EPB41L2: variants seen among roughly 807,000 people sequenced by gnomAD.
The protein encoded by EPB41L2 is erythrocyte membrane protein band 4.1 like 2, also known as band 4.1-like protein 2.
EPB41L2 carries 43 observed loss-of-function variants against 113.0 expected under a neutral mutation model. That is an observed-to-expected ratio of 0.38 (90% CI 0.30 to 0.49). EPB41L2 has a LOEUF of 0.49. Among genes scored for constraint, EPB41L2 ranks in the 20% least tolerant of loss-of-function variants. The pLI, the probability that EPB41L2 is intolerant of heterozygous loss-of-function variation, is 0.95. For synonymous variants in EPB41L2, 442 were observed against 436.7 expected (o/e 1.01, Z -0.15); for missense variants, 1,147 against 1,223.4 (o/e 0.94, Z 0.93).
chr6:131,036,739 A>G (rs1793394705), intron 1 of EPB41L2, among the ~76,000 whole-genome samples: 3 of 152,180 alleles, frequency 2.0e-5, no homozygotes, highest in Non-Finnish European at 1.5e-5. Flanking sequence ...AAGATCCCCA[A>G]ATGTTTCTAT....
chr6:131,011,541 T>C (rs762274043), intron 1 of EPB41L2, among the ~76,000 whole-genome samples: 9 of 152,242 alleles, frequency 5.9e-5, no homozygotes, highest in East Asian at 1.9e-4. Flanking sequence ...CTTGACTCTA[T>C]AGACATGTAC....
At chr6:130,956,898 AG>A (rs1319853045) in intron 1 of EPB41L2, among the ~76,000 whole-genome samples, 1 of 152,230 alleles carries the variant, frequency 6.6e-6, no homozygotes, top group Non-Finnish European at 1.5e-5. Flanking sequence ...ATTCTGTAAC[AG>A]GAAGATGTTA....
At chr6:130,902,842 C>A (rs1796664711) in intron 6 of EPB41L2, among the ~76,000 whole-genome samples, 1 of 152,200 alleles carries the variant, frequency 6.6e-6, no homozygotes, top group Admixed American at 6.5e-5. Context: ...AATTACCCAA[C>A]TGTACCTTCA....
At chr6:130,908,918 A>G in intron 4 of EPB41L2, 55 bp from the exon 5 acceptor site, 1 of 1,313,248 alleles carries the variant, frequency 7.6e-7, no homozygotes, top group Non-Finnish European at 1.1e-6. Flanking sequence ...CTAAAATAGA[A>G]CAGTTTACAG....
intron 19 of EPB41L2, among the ~76,000 whole-genome samples, chr6:130,843,606 G>T (rs974184592): frequency 6.6e-6 from 1 of 152,182 alleles, no homozygotes; most frequent in Non-Finnish European, 1.5e-5. Flanking sequence ...TATACTTTAT[G>T]TATTAGAATT....
Position 131,030,856 on chromosome 6 carries a change from G to A in EPB41L2, c.-15+32299C>T, listed in dbSNP as rs550248290. Among the ~76,000 whole-genome samples the A allele has an allele frequency of 1.9e-4, 29 of 151,768 alleles. 1 individual carries two copies. The highest frequency in any genetic ancestry group is 7.0e-4 in the African/African-American group (29 of 41,368). On this transcript the variant is annotated intron_variant, in intron 1 of 19. Coordinates refer to ENST00000337057, the MANE Select transcript of EPB41L2 (RefSeq NM_001431.4). ...TTTGGGAGGCCAAGGCAGGCAGATC[G>A]CTTGAGCTCAGGAGCTCGAGGACCA...
intron 4 of EPB41L2, 90 bp from the exon 5 acceptor site, chr6:130,908,953 C>G (rs981667663): frequency 1.4e-5 from 15 of 1,048,250 alleles, no homozygotes; most frequent in Non-Finnish European, 9.9e-6. Context: ...TAAGTGTAAA[C>G]ACATTTTAAT....
intron 16 of EPB41L2, among the ~76,000 whole-genome samples, chr6:130,866,226 T>C (rs1035903800): frequency 5.9e-5 from 9 of 152,232 alleles, no homozygotes; most frequent in South Asian, 2.1e-4. Flanking sequence ...CCTACATATA[T>C]ATAAATCCCA....
At chr6:130,870,177 AAAC>A (rs1785201307) in intron 14 of EPB41L2, 51 bp from the exon 15 acceptor site, 2 of 1,558,686 alleles carry the variant, frequency 1.3e-6, no homozygotes, top group East Asian at 2.3e-5. Flanking sequence ...GAATAAATAA[AAAC>A]AACGGAAACC....
At chr6:131,051,978 C>T (rs1364175809) in intron 1 of EPB41L2, among the ~76,000 whole-genome samples, 2 of 151,270 alleles carry the variant, frequency 1.3e-5, no homozygotes, top group Non-Finnish European at 2.9e-5. Context: ...ACTCTGTCAC[C>T]CAGGCTGGAG....
At chr6:131,054,620 G>A (rs1797261039) in intron 1 of EPB41L2, among the ~76,000 whole-genome samples, 1 of 152,234 alleles carries the variant, frequency 6.6e-6, no homozygotes, top group South Asian at 2.1e-4. Flanking sequence ...GGCGCCACTT[G>A]TGGCACATTG....
intron 1 of EPB41L2, among the ~76,000 whole-genome samples, chr6:131,047,317 G>A (rs904329067): frequency 4.0e-5 from 6 of 151,824 alleles, no homozygotes; most frequent in African/African-American, 7.3e-5. Flanking sequence ...AGTGTACTCC[G>A]GCCCAGACAA....
intron 1 of EPB41L2, among the ~76,000 whole-genome samples, chr6:130,975,814 A>T (rs1006383791): frequency 3.3e-5 from 5 of 152,212 alleles, no homozygotes; most frequent in African/African-American, 1.2e-4. Context: ...ACCTGAGGTC[A>T]GGAGTTCAAG....
intron 1 of EPB41L2, among the ~76,000 whole-genome samples, chr6:131,036,654 A>G (rs967836334): frequency 6.6e-6 from 1 of 152,170 alleles, no homozygotes; most frequent in African/African-American, 2.4e-5. Flanking sequence ...CCTTCATAAA[A>G]TAACTTTTAT....
At chr6:131,020,237 G>A (rs35916985) in intron 1 of EPB41L2, among the ~76,000 whole-genome samples, 17,630 of 151,636 alleles carry the variant, frequency 0.12, 1,795 homozygotes, top group African/African-American at 0.27. Flanking sequence ...TTGCATTTTC[G>A]CTTTTTTTCA....
At chr6:130,876,860 G>T in intron 14 of EPB41L2, 2 of 753,066 alleles carry the variant, frequency 2.7e-6, no homozygotes, top group Non-Finnish European at 3.8e-6. Context: ...TACTGACCCA[G>T]TGTGGGTCAA....
In EPB41L2 at chr6:130,858,311, C is replaced by T. The variant is rs770417338; in HGVS notation, c.2911-68G>A. The T allele has an allele frequency of 2.5e-5, 31 of 1,234,920 alleles. No individual in the cohort carries two copies. In the African/African-American group the frequency reaches 4.5e-4, roughly 18 times the overall value. The allele number at this position is 1,234,920 out of a possible 1,614,324, so 76.5% of individuals were successfully genotyped here. On this transcript the variant is annotated intron_variant, in intron 18 of 19. Transcript: ENST00000337057. The stretch of plus-strand genomic sequence containing the variant: ...GCCTCCACCTCACAATGGCAAAACA[C>T]ACACACACTGATCACCTCGGACCCA...
At chr6:130,906,248 T>G (rs1323373442) in intron 5 of EPB41L2, among the ~76,000 whole-genome samples, 1 of 152,200 alleles carries the variant, frequency 6.6e-6, no homozygotes, top group African/African-American at 2.4e-5. Context: ...GAGACATTTC[T>G]ACTAGACCAC....
chr6:131,053,349 T>C (rs919682959), intron 1 of EPB41L2, among the ~76,000 whole-genome samples: 1 of 149,606 alleles, frequency 6.7e-6, no homozygotes, highest in African/African-American at 2.5e-5. Flanking sequence ...CGGTTACTAC[T>C]TGAGACCATC....
Sources: allele counts gnomAD v4.1 joint callset (sites outside exome capture counted in the v4.1 genomes callset), GRCh38; gene constraint gnomAD v4.1.1; transcripts MANE v1.5; gene names NCBI Gene and HGNC (gene_info 2026-07-23, HGNC 2026-07-21).